Variants in IL1RAPL2 observed in about 807,000 individuals in gnomAD.
IL1RAPL2 encodes X-linked interleukin-1 receptor accessory protein-like 2.
A neutral mutation model predicts 44.1 loss-of-function variants in IL1RAPL2; 3 were observed. That is an observed-to-expected ratio of 0.07 (90% CI 0.03 to 0.18). IL1RAPL2 has a LOEUF of 0.18. IL1RAPL2 is among the 10% of genes least tolerant of loss of function. IL1RAPL2 has a pLI of 1.00. For synonymous variants in IL1RAPL2, 181 were observed against 178.8 expected (o/e 1.01, Z -0.10); for missense variants, 391 against 496.4 (o/e 0.79, Z 2.02).
chrX:105,294,157 T>G (rs1172556771), intron 5 of IL1RAPL2, among the ~76,000 whole-genome samples: 1 of 112,069 alleles, frequency 8.9e-6, no homozygotes, highest in Non-Finnish European at 1.9e-5. Flanking sequence ...CTGCTTTTTT[T>G]GGAGCTGAGG....
intron 6 of IL1RAPL2, among the ~76,000 whole-genome samples, chrX:105,521,838 C>G (rs975335057): frequency 8.9e-6 from 1 of 112,196 alleles, no homozygotes; most frequent in African/African-American, 3.2e-5. Context: ...TGTAAATAAT[C>G]CTTACCGCCA....
At chrX:104,870,855 T>C (rs899360057) in intron 2 of IL1RAPL2, among the ~76,000 whole-genome samples, 1 of 111,368 alleles carries the variant, frequency 9.0e-6, no homozygotes, top group Non-Finnish European at 1.9e-5. Flanking sequence ...TAGTTGTGAG[T>C]AAGGGAGCTA....
intron 5 of IL1RAPL2, among the ~76,000 whole-genome samples, chrX:105,417,782 A>C (rs1371323925): frequency 8.9e-6 from 1 of 112,126 alleles, no homozygotes; most frequent in African/African-American, 3.2e-5. Context: ...GTACATAAGT[A>C]GTAGTAATCC....
At chrX:105,575,801 G>A (rs1266028183) in intron 6 of IL1RAPL2, among the ~76,000 whole-genome samples, 1 of 112,376 alleles carries the variant, frequency 8.9e-6, no homozygotes, top group Non-Finnish European at 1.9e-5. Flanking sequence ...CAGTGTATAA[G>A]TGTTTCCTTT....
chrX:105,408,238 T>TA (rs1407788788), intron 5 of IL1RAPL2, among the ~76,000 whole-genome samples: 3 of 111,028 alleles, frequency 2.7e-5, no homozygotes, highest in African/African-American at 1.0e-4. Context: ...TTTACTTATA[T>TA]TTTTTGTGTT....
chrX:105,325,370 C>T (rs779650729), intron 5 of IL1RAPL2, among the ~76,000 whole-genome samples: 5 of 109,637 alleles, frequency 4.6e-5, no homozygotes, highest in South Asian at 7.6e-4. Context: ...TAGCATGTAT[C>T]GGTATTGCAT....
intron 2 of IL1RAPL2, among the ~76,000 whole-genome samples, chrX:105,150,646 G>A (rs1368499546): frequency 8.9e-6 from 1 of 111,930 alleles, no homozygotes; most frequent in African/African-American, 3.2e-5. Context: ...TTTCATGGAG[G>A]TTAATAAGCA....
intron 5 of IL1RAPL2, among the ~76,000 whole-genome samples, chrX:105,301,886 G>T (rs911497723): frequency 8.9e-6 from 1 of 111,837 alleles, no homozygotes; most frequent in South Asian, 3.7e-4. Flanking sequence ...TTGGGTAGTG[G>T]GATTGCTGGA....
chrX:105,445,563 TCCCA>T (rs748475684), intron 5 of IL1RAPL2, among the ~76,000 whole-genome samples: 70 of 111,427 alleles, frequency 6.3e-4, no homozygotes, highest in Non-Finnish European at 1.2e-3. Context: ...TTTTGCTATA[TCCCA>T]TAGGTTTTGT....
chrX:105,040,199 A>G (rs1409165429), intron 2 of IL1RAPL2, among the ~76,000 whole-genome samples: 1 of 111,545 alleles, frequency 9.0e-6, no homozygotes, highest in Non-Finnish European at 1.9e-5. Flanking sequence ...ATTTGCGTAT[A>G]TTGAACCAGC....
At position 105,220,376 on chromosome X, in the gene IL1RAPL2, G is replaced by T. The variant is rs782662637; in HGVS notation, c.357-13442G>T. The T allele has an allele frequency of 2.1e-5, 25 of 1,188,667 alleles. No homozygotes were observed. The highest frequency in any genetic ancestry group is 2.7e-5 in the Non-Finnish European group (24 of 883,047). ...TTGCTATGCCGGAACCCGCTACTGG[G>T]GTCCTCAGGTCTCAAGGCCATGATC... On this transcript the variant is annotated intron_variant, in intron 3 of 10. Coordinates refer to ENST00000372582, the MANE Select transcript of IL1RAPL2 (RefSeq NM_017416.2).
At chrX:105,223,989 G>A (rs1556185715) in intron 3 of IL1RAPL2, among the ~76,000 whole-genome samples, 1 of 111,126 alleles carries the variant, frequency 9.0e-6, no homozygotes, top group Non-Finnish European at 1.9e-5. Flanking sequence ...TGGAAGTTAG[G>A]TGAGAGGACA....
intron 5 of IL1RAPL2, among the ~76,000 whole-genome samples, chrX:105,341,878 C>T (rs1203509805): frequency 3.6e-5 from 4 of 110,360 alleles, no homozygotes; most frequent in Non-Finnish European, 5.7e-5. Flanking sequence ...TTGCTGTGAG[C>T]GGAAAGATCT....
intron 2 of IL1RAPL2, among the ~76,000 whole-genome samples, chrX:105,176,097 T>G (rs1316928101): frequency 9.0e-6 from 1 of 111,328 alleles, no homozygotes; most frequent in Non-Finnish European, 1.9e-5. Context: ...CCTGGTTAAC[T>G]AATATTATAA....
At chrX:105,665,732 TTGTTTTTTTG>T (rs1170806728) in intron 6 of IL1RAPL2, among the ~76,000 whole-genome samples, 7 of 59,324 alleles carry the variant, frequency 1.2e-4, no homozygotes, top group African/African-American at 3.9e-4. Context: ...TTTTGTTTTT[TTGTTTTTTTG>T]TTTTTTTTTT....
rs761207840 is a variant in IL1RAPL2, at chrX:104,647,917, A to G, written c.-19-10978A>G. 1.8e-4 allele frequency: 115 copies of G among 655,725 alleles called. 1 individual carries two copies. Among genetic ancestry groups the G allele is most frequent in the Non-Finnish European group, 2.7e-4 (109 of 404,525 alleles). The allele number at this position is 655,725 out of a possible 1,213,427, so 54.0% of individuals were successfully genotyped here. On this transcript the variant is annotated intron_variant, in intron 1 of 10. Coordinates refer to ENST00000372582, the MANE Select transcript of IL1RAPL2 (RefSeq NM_017416.2). ...CAGCTCTGTGACCAGCATCCACATT[A>G]TATAAGGCAGAGTTCAGCATGCTTC...
chrX:105,151,279 T>C (rs2033224976), intron 2 of IL1RAPL2, among the ~76,000 whole-genome samples: 1 of 111,433 alleles, frequency 9.0e-6, no homozygotes, highest in Non-Finnish European at 1.9e-5. Context: ...TTGGAAGTAT[T>C]TTTAGTAAAA....
intron 2 of IL1RAPL2, among the ~76,000 whole-genome samples, chrX:104,774,402 A>G (rs1011484961): frequency 3.6e-5 from 4 of 111,724 alleles, no homozygotes; most frequent in Non-Finnish European, 7.5e-5. Flanking sequence ...CAATTGTAGT[A>G]GGGATTTATA....
At chrX:104,719,628 G>T (rs769319747) in intron 2 of IL1RAPL2, among the ~76,000 whole-genome samples, 16 of 111,610 alleles carry the variant, frequency 1.4e-4, no homozygotes, top group African/African-American at 3.9e-4. Flanking sequence ...CTATCCAGCT[G>T]AAAGACTGAA....
Sources: allele counts gnomAD v4.1 joint callset (sites outside exome capture counted in the v4.1 genomes callset), GRCh38; gene constraint gnomAD v4.1.1; transcripts MANE v1.5; gene names NCBI Gene and HGNC (gene_info 2026-07-23, HGNC 2026-07-21).